AUTS2: variants seen among roughly 807,000 people sequenced by gnomAD.
The protein encoded by AUTS2 is activator of transcription and developmental regulator AUTS2, also known as autism susceptibility gene 2 protein.
In AUTS2, 17 loss-of-function variants were observed where a neutral mutation model predicts 112.4. That is an observed-to-expected ratio of 0.15 (90% CI 0.10 to 0.23). AUTS2 has a LOEUF of 0.23. Ranked by LOEUF, AUTS2 falls within the 10% of genes least tolerant of loss-of-function variation. The probability of loss-of-function intolerance (pLI) is 1.00; values close to 1 mark genes in which losing one functional copy is unlikely to be tolerated. For missense variants in AUTS2, 1,510 were observed against 1,701.6 expected (o/e 0.89, Z 1.98); for synonymous variants, 751 against 702.7 (o/e 1.07, Z -1.09).
At chr7:69,612,726 G>A (rs543258255) in intron 1 of AUTS2, among the ~76,000 whole-genome samples, 8 of 152,208 alleles carry the variant, frequency 5.3e-5, no homozygotes, top group Admixed American at 2.0e-4. Context: ...AAAAGTGCTG[G>A]GATTATAGGC....
chr7:70,713,362 GT>G (rs1810169323), intron 6 of AUTS2, among the ~76,000 whole-genome samples: 1 of 152,226 alleles, frequency 6.6e-6, no homozygotes, highest in African/African-American at 2.4e-5. Context: ...ATGGGCAGAA[GT>G]GTTTTGAAAT....
chr7:69,675,317 TA>T (rs905583247), intron 1 of AUTS2, among the ~76,000 whole-genome samples: 10 of 152,164 alleles, frequency 6.6e-5, no homozygotes, highest in African/African-American at 2.4e-4. Flanking sequence ...TTGTTGCTTT[TA>T]AAAAATAATT....
intron 4 of AUTS2, among the ~76,000 whole-genome samples, chr7:70,327,209 C>T (rs961710532): frequency 5.3e-5 from 8 of 152,110 alleles, no homozygotes; most frequent in East Asian, 3.9e-4. Context: ...TAAGCCACCG[C>T]GCCCGGCCGC....
At chr7:70,563,243 C>G (rs1801564067) in intron 5 of AUTS2, among the ~76,000 whole-genome samples, 2 of 152,122 alleles carry the variant, frequency 1.3e-5, no homozygotes, top group Non-Finnish European at 2.9e-5. Flanking sequence ...AACTGGGGGT[C>G]CTCCCTCGTA....
At chr7:70,017,046 C>T (rs1350801157) in intron 2 of AUTS2, among the ~76,000 whole-genome samples, 1 of 152,136 alleles carries the variant, frequency 6.6e-6, no homozygotes, top group South Asian at 2.1e-4. Context: ...TTTGAACTGG[C>T]ACAGTGATGA....
At chr7:70,030,670 C>T (rs974512743) in intron 2 of AUTS2, among the ~76,000 whole-genome samples, 1 of 152,130 alleles carries the variant, frequency 6.6e-6, no homozygotes, top group Non-Finnish European at 1.5e-5. Context: ...TTGTCATACA[C>T]TATGGATTAA....
At chr7:70,181,041 T>C (rs1418357018) in intron 4 of AUTS2, among the ~76,000 whole-genome samples, 1 of 152,252 alleles carries the variant, frequency 6.6e-6, no homozygotes, top group African/African-American at 2.4e-5. Context: ...ATAGTATGCT[T>C]ATATTTTGGA....
chr7:69,622,331 A>C (rs746417311), intron 1 of AUTS2, among the ~76,000 whole-genome samples: 5 of 152,222 alleles, frequency 3.3e-5, no homozygotes, highest in Non-Finnish European at 7.3e-5. Context: ...CTTCCAACCC[A>C]GATTAATATG....
chr7:70,225,199 C>G (rs1811700123), intron 4 of AUTS2, among the ~76,000 whole-genome samples: 1 of 152,098 alleles, frequency 6.6e-6, no homozygotes, highest in Non-Finnish European at 1.5e-5. Flanking sequence ...AATCACTGTC[C>G]CTTTTTGGGT....
At chr7:69,666,527 T>C (rs1268927625) in intron 1 of AUTS2, among the ~76,000 whole-genome samples, 2 of 152,212 alleles carry the variant, frequency 1.3e-5, no homozygotes, top group Non-Finnish European at 2.9e-5. Context: ...AGCCGTGATA[T>C]GTCTGTATTG....
intron 2 of AUTS2, among the ~76,000 whole-genome samples, chr7:69,989,446 C>T (rs952508291): frequency 1.1e-4 from 16 of 152,106 alleles, no homozygotes; most frequent in African/African-American, 3.9e-4. Flanking sequence ...TTTAGAGCAC[C>T]TATTAGAGAT....
At chr7:69,600,214 C>T (rs1289304040) in intron 1 of AUTS2, among the ~76,000 whole-genome samples, 1 of 152,028 alleles carries the variant, frequency 6.6e-6, no homozygotes, top group Non-Finnish European at 1.5e-5. Flanking sequence ...CTCCCTGCAC[C>T]CCCTCCACAG....
chr7:70,040,637 G>A (rs565505030), intron 2 of AUTS2, among the ~76,000 whole-genome samples: 13 of 152,288 alleles, frequency 8.5e-5, no homozygotes, highest in African/African-American at 2.4e-4. Context: ...CTTTGTGACC[G>A]TGGGACCACC....
intron 5 of AUTS2, among the ~76,000 whole-genome samples, chr7:70,523,604 C>A (rs3113268): frequency 7.2e-5 from 11 of 151,976 alleles, no homozygotes; most frequent in Non-Finnish European, 1.5e-4. Flanking sequence ...AGTTTGGGGG[C>A]GTCTAGGGGT....
At chr7:69,912,164 A>G (rs531415477) in intron 2 of AUTS2, among the ~76,000 whole-genome samples, 6 of 152,354 alleles carry the variant, frequency 3.9e-5, no homozygotes, top group Non-Finnish European at 8.8e-5. Flanking sequence ...GACAGCACTC[A>G]GGCTTAGCCT....
chr7:70,117,424 C>A (rs1189410869), intron 2 of AUTS2, among the ~76,000 whole-genome samples: 1 of 151,308 alleles, frequency 6.6e-6, no homozygotes, highest in Non-Finnish European at 1.5e-5. Flanking sequence ...TTTTTTGAGA[C>A]AAGACAGAAG....
intron 4 of AUTS2, among the ~76,000 whole-genome samples, chr7:70,213,509 C>T (rs1213593809): frequency 2.7e-5 from 4 of 147,658 alleles, no homozygotes; most frequent in African/African-American, 1.0e-4. Context: ...GCACTCCAGC[C>T]GAGGTGACAG....
intron 1 of AUTS2, among the ~76,000 whole-genome samples, chr7:69,637,060 C>T (rs953334185): frequency 4.6e-5 from 7 of 152,112 alleles, no homozygotes; most frequent in African/African-American, 1.2e-4. Flanking sequence ...CCACCGCGCC[C>T]GGCCTGTCCT....
At chr7:70,761,930 C>T (rs1185887222) in intron 6 of AUTS2, among the ~76,000 whole-genome samples, 1 of 152,202 alleles carries the variant, frequency 6.6e-6, no homozygotes, top group African/African-American at 2.4e-5. Context: ...TGATGGGAAA[C>T]TTTATTTCAG....
Sources: gnomAD v4.1 joint callset for allele counts (sites outside exome capture counted in the v4.1 genomes callset) on GRCh38, gnomAD v4.1.1 for gene constraint, MANE v1.5 for transcripts, NCBI Gene and HGNC (gene_info 2026-07-23, HGNC 2026-07-21) for gene names.